PRUNE2: variants seen among roughly 807,000 people sequenced by gnomAD.
PRUNE2 encodes protein prune homolog 2.
PRUNE2 carries 164 observed loss-of-function variants against 252.0 expected under a neutral mutation model. The observed-to-expected ratio is 0.65, with a 90% CI of 0.57 to 0.74. The LOEUF (loss-of-function observed/expected upper bound fraction) is 0.74. Ranked by LOEUF, PRUNE2 falls within the 30% of genes least tolerant of loss-of-function variation. PRUNE2 has a pLI of 0.00. For synonymous variants in PRUNE2, 1,292 were observed against 1,350.2 expected, an observed-to-expected ratio of 0.96 and a Z score of 0.94; for missense variants, 3,495 against 3,711.0, an observed-to-expected ratio of 0.94 and a Z score of 1.51.
chr9:76,652,555 C>T lies in PRUNE2; in HGVS notation c.8485G>A (p.Asp2829Asn). 1 of 1,613,466 alleles carries T rather than the reference C, an allele frequency of 6.2e-7. No homozygotes were observed. Among genetic ancestry groups the T allele is most frequent in the Non-Finnish European group, 8.5e-7 (1 of 1,179,464 alleles). Reference protein sequence around the residue: ...ILSDDNLDSPDEIDINVDELD... With the variant: ...ILSDDNLDSPNEIDINVDELD... The stretch of plus-strand genomic sequence containing the variant: ...TCATCCACATTGATGTCAATTTCAT[C>T]TGGACTGTCCAAGTTATCATCAGAG... The change falls in exon 11 of 19, where the codon GAT (aspartate) becomes AAT (asparagine). Residue 2829 changes from aspartate to asparagine, a missense_variant. Transcript: ENST00000376718.
At chr9:76,833,257 G>T (rs1470590890) in intron 4 of PRUNE2, among the ~76,000 whole-genome samples, 1 of 151,710 alleles carries the variant, frequency 6.6e-6, no homozygotes, top group Non-Finnish European at 1.5e-5. Context: ...CCACCAAGTA[G>T]GGCTCCCCCA....
intron 15 of PRUNE2, among the ~76,000 whole-genome samples, chr9:76,635,458 T>C (rs1454951060): frequency 1.3e-5 from 2 of 152,220 alleles, no homozygotes; most frequent in South Asian, 2.1e-4. Context: ...TTCTTGTGTA[T>C]AATGAAGATA....
At chr9:76,852,203 A>T (rs116048494) in intron 2 of PRUNE2, among the ~76,000 whole-genome samples, 87 of 152,378 alleles carry the variant, frequency 5.7e-4, no homozygotes, top group African/African-American at 2.1e-3. Context: ...CCACTCCAAC[A>T]AAGTGGGTTT....
At chr9:76,699,738 C>A (rs1238775821) in intron 9 of PRUNE2, among the ~76,000 whole-genome samples, 1 of 152,238 alleles carries the variant, frequency 6.6e-6, no homozygotes, top group Non-Finnish European at 1.5e-5. Flanking sequence ...GATCTAAATA[C>A]AGATATCTCC....
At chr9:76,641,120 A>C (rs1842399750) in intron 12 of PRUNE2, among the ~76,000 whole-genome samples, 2 of 152,262 alleles carry the variant, frequency 1.3e-5, no homozygotes, top group Admixed American at 1.3e-4. Flanking sequence ...TATTTAACTA[A>C]AGGAATACTA....
intron 6 of PRUNE2, among the ~76,000 whole-genome samples, chr9:76,760,428 G>A (rs114358940): frequency 0.011 from 1,749 of 152,224 alleles, 33 homozygotes; most frequent in African/African-American, 0.039. Flanking sequence ...CAGTACCAAA[G>A]ATTCTTCTCT....
chr9:76,744,324 C>T (rs1431735087), intron 6 of PRUNE2, among the ~76,000 whole-genome samples: 1 of 152,200 alleles, frequency 6.6e-6, no homozygotes, highest in Non-Finnish European at 1.5e-5. Context: ...AGAACTCCTT[C>T]CAGAAGAGAG....
chr9:76,627,285 T>A (rs1329139680), intron 16 of PRUNE2, among the ~76,000 whole-genome samples: 1 of 75,956 alleles, frequency 1.3e-5, no homozygotes, highest in Admixed American at 2.0e-4. Context: ...GTTTTTTTCA[T>A]AGAGATGGGG....
chr9:76,783,929 T>C (rs905300900), intron 6 of PRUNE2: 1 of 152,226 alleles, frequency 6.6e-6, no homozygotes, highest in African/African-American at 2.4e-5. Context: ...TCAGAAATTT[T>C]TGATGGCCTT....
At chr9:76,661,348 T>G (rs1851347637) in intron 9 of PRUNE2, among the ~76,000 whole-genome samples, 1 of 152,210 alleles carries the variant, frequency 6.6e-6, no homozygotes, top group Non-Finnish European at 1.5e-5. Flanking sequence ...GTTTAAGCGA[T>G]TCTCCTGCCT....
At chr9:76,669,601 T>G (rs556621811) in intron 9 of PRUNE2, among the ~76,000 whole-genome samples, 4 of 152,332 alleles carry the variant, frequency 2.6e-5, no homozygotes, top group African/African-American at 9.6e-5. Flanking sequence ...GTTACAGGCA[T>G]GAGCCGCCAT....
At chr9:76,637,009 G>GTGTGTGTGTATA (rs1554779750) in intron 14 of PRUNE2, among the ~76,000 whole-genome samples, 4 of 150,286 alleles carry the variant, frequency 2.7e-5, no homozygotes, top group African/African-American at 9.9e-5. Flanking sequence ...GTGTGTGTGT[G>GTGTGTGTGTATA]TATAATTTTA....
intron 6 of PRUNE2, chr9:76,785,003 A>C (rs971801417): frequency 6.6e-6 from 1 of 152,220 alleles, no homozygotes; most frequent in South Asian, 2.1e-4. Context: ...AAGATGACTA[A>C]GTCCTTTATC....
In PRUNE2 at chr9:76,706,654, C is replaced by A; in HGVS notation, c.5620G>T (p.Gly1874Cys). 3 of 1,613,828 alleles carry A rather than the reference C, an allele frequency of 1.9e-6. No individual in the cohort carries two copies. Among genetic ancestry groups the A allele is most frequent in the Non-Finnish European group, 2.5e-6 (3 of 1,179,842 alleles). Residue 1874 changes from glycine to cysteine, a missense_variant, in exon 8 of 19, where the codon GGT becomes TGT. Transcript: ENST00000376718. ...NASPWGVPVQ[G>C]DIEPVETHYT... The stretch of plus-strand genomic sequence containing the variant: ...TGTGTTTCCACGGGCTCAATATCAC[C>A]CTGAACTGGTACTCCCCAGGGACTG...
At chr9:76,677,094 G>A (rs547081763) in intron 9 of PRUNE2, among the ~76,000 whole-genome samples, 1 of 152,184 alleles carries the variant, frequency 6.6e-6, no homozygotes, top group African/African-American at 2.4e-5. Context: ...TTCGCAATAG[G>A]TTGATTTAAA....
At chr9:76,686,010 T>C (rs923734507) in intron 9 of PRUNE2, among the ~76,000 whole-genome samples, 4 of 152,228 alleles carry the variant, frequency 2.6e-5, no homozygotes, top group Non-Finnish European at 5.9e-5. Flanking sequence ...TGCTGCACAG[T>C]ATAATCACAT....
At chr9:76,644,395 A>G in intron 12 of PRUNE2, 1 of 356,506 alleles carries the variant, frequency 2.8e-6, no homozygotes, top group Admixed American at 3.8e-5. Context: ...ATGGTGTCAC[A>G]TACTCTGTTC....
chr9:76,812,530 TATG>T (rs2057422628), intron 6 of PRUNE2, among the ~76,000 whole-genome samples: 1 of 152,190 alleles, frequency 6.6e-6, no homozygotes, highest in Non-Finnish European at 1.5e-5. Flanking sequence ...TAAAAAAAAC[TATG>T]AGCACTTCTA....
At chr9:76,693,117 A>T (rs1278853500) in intron 9 of PRUNE2, 2 of 152,176 alleles carry the variant, frequency 1.3e-5, no homozygotes, top group Non-Finnish European at 1.5e-5. Flanking sequence ...TATTGACACA[A>T]TTAAGGCAAA....
Sources: allele counts gnomAD v4.1 joint callset (sites outside exome capture counted in the v4.1 genomes callset), GRCh38; gene constraint gnomAD v4.1.1; transcripts MANE v1.5; gene names NCBI Gene and HGNC (gene_info 2026-07-23, HGNC 2026-07-21).